The following KIAA1549L variants were observed in gnomAD, a reference collection of about 807,000 sequenced individuals.
KIAA1549L encodes the protein KIAA1549 like, also known as UPF0606 protein KIAA1549L.
A neutral mutation model predicts 160.7 loss-of-function variants in KIAA1549L; 88 were observed. That is an observed-to-expected ratio of 0.55 (90% CI 0.46 to 0.65). The LOEUF (loss-of-function observed/expected upper bound fraction) is 0.65. Among genes scored for constraint, KIAA1549L ranks in the 30% least tolerant of loss-of-function variants. The probability of loss-of-function intolerance (pLI) is 0.00; values close to 1 mark genes in which losing one functional copy is unlikely to be tolerated. For missense variants in KIAA1549L, 2,258 were observed against 2,437.5 expected (o/e 0.93, Z 1.55); for synonymous variants, 950 against 976.7 (o/e 0.97, Z 0.51).
chr11:33,621,864 A>G (rs1347785759), intron 16 of KIAA1549L, among the ~76,000 whole-genome samples: 1 of 152,246 alleles, frequency 6.6e-6, no homozygotes, highest in African/African-American at 2.4e-5. Flanking sequence ...AATCCGTGGC[A>G]GGAAAGGAGC....
chr11:33,492,542 C>A (rs375480763), intron 1 of KIAA1549L, among the ~76,000 whole-genome samples: 4 of 152,108 alleles, frequency 2.6e-5, no homozygotes, highest in Non-Finnish European at 5.9e-5. Context: ...AGTGGAATTT[C>A]GCACAGGTAA....
rs1182142343 is a variant in KIAA1549L at position 33,376,309 on chromosome 11, C to T, written c.-343C>T. ...CCCCCGTTCCCGGCAGCCTCGCCCC[C>T]TAGTTCTGCAGGAGCCGGCCCGGGG... On this transcript the variant is annotated 5_prime_UTR_variant, in exon 1 of 21. Coordinates refer to ENST00000658780, the MANE Select transcript of KIAA1549L (RefSeq NM_012194.3). This position sits in a 1 kb window ranked among gnomAD's most constrained non-coding sequence, Gnocchi z 5.8. Among the ~76,000 whole-genome samples, 1 of 148,768 alleles carries T rather than the reference C, an allele frequency of 6.7e-6. No individual in the cohort carries two copies. The highest frequency in any genetic ancestry group is 1.5e-5 in the Non-Finnish European group (1 of 66,882).
chr11:33,642,044 G>C (rs561448779), intron 16 of KIAA1549L, among the ~76,000 whole-genome samples: 2 of 152,050 alleles, frequency 1.3e-5, no homozygotes, highest in Non-Finnish European at 2.9e-5. Context: ...ATGTTTTAGT[G>C]GGGGAGGGAG....
chr11:33,593,073 A>G (rs551085377), intron 12 of KIAA1549L, among the ~76,000 whole-genome samples: 92 of 152,288 alleles, frequency 6.0e-4, no homozygotes, highest in Non-Finnish European at 1.0e-3. Flanking sequence ...TATTGTGAAT[A>G]AAGATCAGAT....
At chr11:33,650,060 GGAA>G (rs1851841972) in intron 17 of KIAA1549L, among the ~76,000 whole-genome samples, 1 of 152,094 alleles carries the variant, frequency 6.6e-6, no homozygotes, top group African/African-American at 2.4e-5. Flanking sequence ...GTCCTCACCC[GGAA>G]GGAGAGGACC....
intron 1 of KIAA1549L, among the ~76,000 whole-genome samples, chr11:33,419,905 CATATATATAT>C (rs57056542): frequency 0.047 from 2,516 of 53,568 alleles, 31 homozygotes; most frequent in Non-Finnish European, 0.082. Flanking sequence ...TACATACATA[CATATATATAT>C]ATGAATAGCT....
intron 1 of KIAA1549L, among the ~76,000 whole-genome samples, chr11:33,528,212 C>G (rs1016380765): frequency 6.6e-6 from 1 of 152,074 alleles, no homozygotes; most frequent in Non-Finnish European, 1.5e-5. Context: ...AAATGGCCAA[C>G]AAACTATGAA....
At chr11:33,665,514 GTCTC>G (rs1221546376) in intron 20 of KIAA1549L, 3 of 152,384 alleles carry the variant, frequency 2.0e-5, no homozygotes, top group Admixed American at 6.5e-5. Flanking sequence ...TTGTCCCATA[GTCTC>G]TCTCTCTTCT....
chr11:33,600,798 A>G (rs374882803), intron 13 of KIAA1549L, among the ~76,000 whole-genome samples: 24 of 152,194 alleles, frequency 1.6e-4, no homozygotes, highest in East Asian at 5.8e-4. Context: ...ATATTGTTCT[A>G]TGCCCTTTCT....
At chr11:33,405,813 GC>G (rs1286188136) in intron 1 of KIAA1549L, among the ~76,000 whole-genome samples, 1 of 122,340 alleles carries the variant, frequency 8.2e-6, no homozygotes, top group East Asian at 2.6e-4. Flanking sequence ...CTGCACTCCA[GC>G]CTGGGCAACA....
intron 1 of KIAA1549L, among the ~76,000 whole-genome samples, chr11:33,395,831 G>A (rs1486495199): frequency 2.0e-5 from 3 of 151,992 alleles, no homozygotes; most frequent in African/African-American, 7.2e-5. Context: ...AAAAAAGTTA[G>A]TGTTATTTTC....
chr11:33,657,567 C>T (rs187768433), intron 18 of KIAA1549L, among the ~76,000 whole-genome samples: 96 of 152,110 alleles, frequency 6.3e-4, no homozygotes, highest in South Asian at 5.2e-3. Context: ...GAGGCTGAGG[C>T]GGGTGGATCA....
intron 8 of KIAA1549L, among the ~76,000 whole-genome samples, chr11:33,563,622 C>T (rs2133224141): frequency 1.3e-5 from 2 of 152,330 alleles, no homozygotes; most frequent in South Asian, 2.1e-4. Flanking sequence ...TTCTTTCCCT[C>T]TGCTGCAGAG....
At chr11:33,418,655 C>T (rs773663748) in intron 1 of KIAA1549L, among the ~76,000 whole-genome samples, 3 of 152,124 alleles carry the variant, frequency 2.0e-5, no homozygotes, top group African/African-American at 4.8e-5. Flanking sequence ...TCATTGCAAA[C>T]CATTCTTCTG....
rs777958398 is a variant in KIAA1549L at position 33,544,262 on chromosome 11, C to A, written c.2699C>A (p.Ser900Tyr). 4.3e-6 allele frequency: 7 copies of A among 1,613,916 alleles called. No homozygotes were observed. The East Asian group carries it at 1.6e-4, about 36-fold the overall frequency. Residue 900 changes from serine (S) to tyrosine (Y), a missense_variant, in exon 2 of 21, where the codon TCT (serine) becomes TAT (tyrosine). By Grantham distance (144) the Ser-to-Tyr change is moderately radical. Around this residue, in one of 6 missense-constraint regions of KIAA1549L, gnomAD observed 287 missense variants for 292.3 expected, o/e 0.98. Coordinates refer to ENST00000658780, the MANE Select transcript of KIAA1549L (RefSeq NM_012194.3). Reference protein sequence around the residue: ...ILGYHSAAESSISTSVFPRTS... With the variant: ...ILGYHSAAESYISTSVFPRTS... ...GGATATCACTCTGCTGCTGAATCTT[C>A]TATATCGACCAGTGTCTTTCCCAGG... is the stretch of plus-strand genomic sequence containing the variant.
At chr11:33,530,143 C>T (rs1374542257) in intron 1 of KIAA1549L, among the ~76,000 whole-genome samples, 1 of 151,724 alleles carries the variant, frequency 6.6e-6, no homozygotes, top group East Asian at 1.9e-4. Flanking sequence ...GCCTGTAATT[C>T]CAGCACTTTG....
chr11:33,574,641 G>A (rs901446305), intron 9 of KIAA1549L, 61 bp from the exon 10 acceptor site: 27 of 1,489,056 alleles, frequency 1.8e-5, no homozygotes, highest in Admixed American at 3.7e-5. Context: ...CTGATCACCT[G>A]GGTGATTGCA....
At chr11:33,600,962 T>G (rs1309888494) in intron 13 of KIAA1549L, among the ~76,000 whole-genome samples, 1 of 152,136 alleles carries the variant, frequency 6.6e-6, no homozygotes, top group African/African-American at 2.4e-5. Flanking sequence ...GGTGAAATTC[T>G]GGCCTGCTCT....
In KIAA1549L at chr11:33,591,290, T is replaced by G; in HGVS notation, c.4620T>G (p.Asp1540Glu). Residue 1540 changes from aspartate to glutamate, a missense_variant, in exon 12 of 21, where the codon GAT (aspartate) becomes GAG (glutamate). Physicochemically the swap from Asp to Glu is conservative, Grantham distance 45. Coordinates refer to ENST00000658780, the MANE Select transcript of KIAA1549L (RefSeq NM_012194.3). ...AACACCTGGGCCAGCAAGGGGCAGA[T>G]GAGGAGGTCATCCCTGTGACTCAGG... ...AKQHLGQQGA[D>E]EEVIPVTQET... is the part of the protein sequence containing the mutation. 6.2e-7 allele frequency: 1 copy of G among 1,613,688 alleles called. No homozygotes were observed. Among genetic ancestry groups the G allele is most frequent in the Admixed American group, 1.7e-5 (1 of 59,992 alleles).
Sources: gnomAD v4.1 joint callset for allele counts (sites outside exome capture counted in the v4.1 genomes callset) on GRCh38, gnomAD v4.1.1 for gene constraint, gnomAD v4.1.1 regional missense constraint, Gnocchi (gnomAD v3.1) non-coding constraint, MANE v1.5 for transcripts, NCBI Gene and HGNC (gene_info 2026-07-23, HGNC 2026-07-21) for gene names.